PPME1: variants seen among roughly 807,000 people sequenced by gnomAD.
PPME1 encodes testicular secretory protein Li 39.
A neutral mutation model predicts 56.9 loss-of-function variants in PPME1; 17 were observed. The ratio of observed to expected loss-of-function variants is 0.30; its 90% confidence interval spans 0.20 to 0.45. The LOEUF (loss-of-function observed/expected upper bound fraction) is 0.45. PPME1 is among the 20% of genes least tolerant of loss of function. The pLI is 1.00. For missense variants in PPME1, 357 were observed against 483.2 expected (o/e 0.74, Z 2.45); for synonymous variants, 122 against 156.2 (o/e 0.78, Z 1.63).
Position 74,188,310 on chromosome 11 carries a change from C to T in PPME1, c.102-15418C>T, listed in dbSNP as rs189117953. Among the ~76,000 whole-genome samples the T allele has an allele frequency of 6.6e-5, 10 of 151,356 alleles. No homozygotes were observed. The East Asian group carries it at 2.0e-3, about 30-fold the overall frequency. On this transcript the variant is annotated intron_variant, in intron 1 of 13. Transcript: ENST00000328257. ...TCAAGCAATTCTCTGCCTCAGCCTTCTGAGTAGCTGGGATTACAGGCGCCT... is the reference window on the plus strand; with the variant it reads ...TCAAGCAATTCTCTGCCTCAGCCTTTTGAGTAGCTGGGATTACAGGCGCCT...
Position 74,171,953 on chromosome 11 carries a change from T to A in PPME1, c.101+431T>A, listed in dbSNP as rs78931688. Among the ~76,000 whole-genome samples, 443 of 152,126 alleles carry A rather than the reference T, an allele frequency of 2.9e-3. 4 individuals are homozygous for A. Among genetic ancestry groups the A allele is most frequent in the African/African-American group, 9.5e-3 (393 of 41,486 alleles). On this transcript the variant is annotated intron_variant, in intron 1 of 13. Transcript: ENST00000328257. The stretch of plus-strand genomic sequence containing the variant: ...GGAAAGGTTTGGGAGGAGTAGATAT[T>A]ATCAGAGTTCTAATATCTGCACTGT...
chr11:74,251,068 T>C (rs1488188241), intron 12 of PPME1, 50 bp downstream of exon 12: 1 of 1,554,564 alleles, frequency 6.4e-7, no homozygotes, highest in Non-Finnish European at 8.7e-7. Flanking sequence ...AGAATAACCC[T>C]GGATGTCACA....
At chr11:74,202,311 G>C (rs1858191183) in intron 1 of PPME1, among the ~76,000 whole-genome samples, 1 of 152,172 alleles carries the variant, frequency 6.6e-6, no homozygotes, top group Admixed American at 6.5e-5. Flanking sequence ...CTAGAGGTGA[G>C]ACCCAAGCAT....
intron 13 of PPME1, among the ~76,000 whole-genome samples, chr11:74,252,182 C>T (rs115899936): frequency 0.015 from 2,178 of 149,572 alleles, 70 homozygotes; most frequent in African/African-American, 0.052. Flanking sequence ...GATCCAGTGC[C>T]TCAGTCTCCC....
intron 1 of PPME1, among the ~76,000 whole-genome samples, chr11:74,185,147 A>C (rs1468014818): frequency 6.6e-6 from 1 of 151,626 alleles, no homozygotes; most frequent in Non-Finnish European, 1.5e-5. Context: ...TTACAGGCAC[A>C]TGTCACCACA....
rs376787845 is a variant in PPME1, at chr11:74,251,723, G to A, written c.1142+8G>A. 23 of 1,613,902 alleles carry A rather than the reference G, an allele frequency of 1.4e-5. No homozygotes were observed. The highest frequency in any genetic ancestry group is 1.7e-4 in the Middle Eastern group (1 of 6,058). ...CATCGGTGGATTCCAGTGGTAAGGCGGGTACAAGGGTTTAAGAACCCAGCA... is the reference window on the plus strand; with the variant it reads ...CATCGGTGGATTCCAGTGGTAAGGCAGGTACAAGGGTTTAAGAACCCAGCA... On this transcript the variant is annotated splice_region_variant and intron_variant, in intron 13 of 13. Transcript: ENST00000328257.
rs536227235 is a variant in PPME1 at position 74,179,092 on chromosome 11, G to C, written c.101+7570G>C. On this transcript the variant is annotated intron_variant, in intron 1 of 13. Transcript: ENST00000328257. ...CCAATCATTTCAAACCACACCGGAAGACCGAAGTTGTTTACTTATCAGTCC... is the reference window on the plus strand; with the variant it reads ...CCAATCATTTCAAACCACACCGGAACACCGAAGTTGTTTACTTATCAGTCC... Among the ~76,000 whole-genome samples the C allele has an allele frequency of 1.3e-5, 2 of 152,292 alleles. 1 individual carries two copies. The highest frequency in any genetic ancestry group is 4.1e-4 in the South Asian group (2 of 4,824).
intron 5 of PPME1, among the ~76,000 whole-genome samples, chr11:74,226,322 TGTATGAA>T (rs1858931012): frequency 6.6e-6 from 1 of 152,334 alleles, no homozygotes; most frequent in East Asian, 1.9e-4. Flanking sequence ...GTTGAATAAC[TGTATGAA>T]GTCACACAGT....
At chr11:74,248,267 C>T (rs2135680601) in intron 11 of PPME1, 1 of 152,346 alleles carries the variant, frequency 6.6e-6, no homozygotes, top group South Asian at 2.1e-4. Flanking sequence ...AGAATCTGTT[C>T]TAGACCTTTC....
At chr11:74,237,726 TC>T (rs1859233362) in intron 8 of PPME1, 1 of 152,204 alleles carries the variant, frequency 6.6e-6, no homozygotes, top group East Asian at 1.9e-4. Flanking sequence ...AGAGGTAGTT[TC>T]CCAAGATCAC....
chr11:74,241,520 G>T (rs1207798141), intron 9 of PPME1, among the ~76,000 whole-genome samples: 1 of 152,206 alleles, frequency 6.6e-6, no homozygotes, highest in Non-Finnish European at 1.5e-5. Flanking sequence ...GAGTGGAACT[G>T]ATCGATCATA....
In PPME1 at chr11:74,209,244, C is replaced by G. The variant is rs575006179; in HGVS notation, c.288+4799C>G. ...ACTTCAGCCTCCTGAGTAGCTGGGACCACAGGTGCGCGCTGCCACACTAGC... is the reference window on the plus strand; with the variant it reads ...ACTTCAGCCTCCTGAGTAGCTGGGAGCACAGGTGCGCGCTGCCACACTAGC... On this transcript the variant is annotated intron_variant, in intron 3 of 13. Transcript: ENST00000328257. Among the ~76,000 whole-genome samples, 5 of 152,190 alleles carry G rather than the reference C, an allele frequency of 3.3e-5. No individual in the cohort carries two copies. In the South Asian group the frequency reaches 1.0e-3, roughly 32 times the overall value.
At chr11:74,208,934 A>C (rs946254422) in intron 3 of PPME1, among the ~76,000 whole-genome samples, 13 of 152,320 alleles carry the variant, frequency 8.5e-5, no homozygotes, top group African/African-American at 3.1e-4. Flanking sequence ...CTATAGTTTG[A>C]ATAGAGTTGA....
At chr11:74,206,602 C>T (rs1316406211) in intron 3 of PPME1, among the ~76,000 whole-genome samples, 1 of 152,214 alleles carries the variant, frequency 6.6e-6, no homozygotes, top group African/African-American at 2.4e-5. Flanking sequence ...GGATCTCAGT[C>T]TATCACCCAG....
At chr11:74,229,067 A>G (rs927904579) in intron 5 of PPME1, among the ~76,000 whole-genome samples, 1 of 152,178 alleles carries the variant, frequency 6.6e-6, no homozygotes, top group Non-Finnish European at 1.5e-5. Context: ...CAGATTGTCT[A>G]CAATTGCCGA....
intron 1 of PPME1, among the ~76,000 whole-genome samples, chr11:74,203,361 G>A (rs995986542): frequency 6.6e-6 from 1 of 152,138 alleles, no homozygotes; most frequent in Non-Finnish European, 1.5e-5. Context: ...CAGTTGGGAG[G>A]ATGGAAATGA....
intron 4 of PPME1, among the ~76,000 whole-genome samples, chr11:74,222,953 T>TA (rs1858837119): frequency 3.3e-5 from 5 of 152,068 alleles, no homozygotes; most frequent in African/African-American, 1.2e-4. Flanking sequence ...AATTTTTTTT[T>TA]ATTATACTTT....
At chr11:74,242,878 C>T (rs1390623434) in intron 9 of PPME1, among the ~76,000 whole-genome samples, 3 of 61,372 alleles carry the variant, frequency 4.9e-5, no homozygotes, top group African/African-American at 2.2e-4. Context: ...GACTCTGTCT[C>T]AAAAAAAAAA....
chr11:74,217,541 C>CAAAAAAAAAAAAAAAAAAAAAAAAAA (rs61139169), intron 3 of PPME1, among the ~76,000 whole-genome samples: 1 of 79,034 alleles, frequency 1.3e-5, no homozygotes, highest in Admixed American at 1.6e-4. Context: ...GACTCCGTCT[C>CAAAAAAAAAAAAAAAAAAAAAAAAAA]AAAAAAAAAA....
Sources: gnomAD v4.1 joint callset for allele counts (sites outside exome capture counted in the v4.1 genomes callset) on GRCh38, gnomAD v4.1.1 for gene constraint, MANE v1.5 for transcripts, NCBI Gene and HGNC (gene_info 2026-07-23, HGNC 2026-07-21) for gene names.